The following UNC79 variants were observed in gnomAD, a reference collection of about 807,000 sequenced individuals.
UNC79 encodes protein unc-79 homolog.
UNC79 carries 37 observed loss-of-function variants against 283.1 expected under a neutral mutation model. The observed-to-expected ratio is 0.13, with a 90% CI of 0.10 to 0.17. The LOEUF (loss-of-function observed/expected upper bound fraction) is 0.17. Ranked by LOEUF, UNC79 falls within the 10% of genes least tolerant of loss-of-function variation. The pLI, the probability that UNC79 is intolerant of heterozygous loss-of-function variation, is 1.00. For synonymous variants in UNC79, 1,107 were observed against 1,200.2 expected, an observed-to-expected ratio of 0.92 and a Z score of 1.61; for missense variants, 2,272 against 3,211.1, an observed-to-expected ratio of 0.71 and a Z score of 7.07.
chr14:93,702,349 C>A (rs2075595001), intron 47 of UNC79, among the ~76,000 whole-genome samples: 1 of 152,140 alleles, frequency 6.6e-6, no homozygotes. Context: ...TGATACACAC[C>A]ATACTCCATT....
At chr14:93,487,579 C>G in intron 4 of UNC79, 84 bp from the exon 5 acceptor site, 1 of 1,059,144 alleles carries the variant, frequency 9.4e-7, no homozygotes, top group South Asian at 2.1e-5. Flanking sequence ...TTTTAAAGTT[C>G]CTTCTTATCT....
At chr14:93,514,199 G>C (rs1400991160) in intron 7 of UNC79, among the ~76,000 whole-genome samples, 2 of 151,854 alleles carry the variant, frequency 1.3e-5, no homozygotes, top group East Asian at 3.9e-4. Context: ...GTCTAACCAG[G>C]GAAAAAGGAA....
chr14:93,382,665 A>G (rs1457881066), intron 1 of UNC79, among the ~76,000 whole-genome samples: 2 of 152,308 alleles, frequency 1.3e-5, no homozygotes, highest in South Asian at 2.1e-4. Context: ...GCAGATGCAG[A>G]TGAAGAAATT....
intron 14 of UNC79, among the ~76,000 whole-genome samples, chr14:93,562,024 T>A (rs911976586): frequency 3.9e-5 from 6 of 152,182 alleles, no homozygotes; most frequent in African/African-American, 1.4e-4. Flanking sequence ...ATTAGGCTCA[T>A]AAGGGTTATT....
At chr14:93,608,857 C>T (rs956770403) in intron 26 of UNC79, among the ~76,000 whole-genome samples, 19 of 152,240 alleles carry the variant, frequency 1.2e-4, no homozygotes, top group African/African-American at 4.1e-4. Context: ...CTTTGACAGA[C>T]ATTTATGTAT....
intron 12 of UNC79, among the ~76,000 whole-genome samples, chr14:93,539,452 C>T (rs1251822209): frequency 2.0e-5 from 3 of 151,326 alleles, no homozygotes; most frequent in East Asian, 4.0e-4. Context: ...ACCTGGGAGG[C>T]GGAGGTTGCA....
Position 93,616,366 on chromosome 14 carries a change from C to CT in UNC79, c.4042-737dup, listed in dbSNP as rs71463917. 2.8e-3 allele frequency among the ~76,000 whole-genome samples: 271 copies of CT among 96,196 alleles called. 1 individual carries two copies. The highest frequency in any genetic ancestry group is 5.8e-3 in the East Asian group (24 of 4,112). The allele number at this position is 96,196 out of a possible 152,430, so 63.1% of individuals were successfully genotyped here. A position where few individuals can be genotyped will look rare whatever the true frequency, so the allele number is the denominator to read the frequency against. On this transcript the variant is annotated intron_variant, in intron 27 of 48. Coordinates refer to ENST00000555664, the Ensembl canonical transcript of UNC79. ...ATGCTTTTTCTTTCTTTCTTTTTTCCTTTTTTTTTTTTTTTTTTTGAGACA... is the reference window on the plus strand; with the variant it reads ...ATGCTTTTTCTTTCTTTCTTTTTTCCTTTTTTTTTTTTTTTTTTTTGAGACA...
chr14:93,655,533 A>G (rs2070823594), intron 38 of UNC79, 126 bp downstream of exon 41: 9 of 1,137,858 alleles, frequency 7.9e-6, no homozygotes, highest in African/African-American at 1.6e-5. Flanking sequence ...TCCGTCAGCC[A>G]TGGAGTGAGG....
chr14:93,585,685 A>G (rs2064170437), intron 20 of UNC79, among the ~76,000 whole-genome samples: 1 of 152,142 alleles, frequency 6.6e-6, no homozygotes. Context: ...TCTTTTCTCT[A>G]GCATGCCTCA....
rs181240985 is a variant in UNC79, at chr14:93,462,136, G to A, written c.23-5535G>A. On this transcript the variant is annotated intron_variant, in intron 1 of 48. Transcript: ENST00000555664. ...AGCCTGGCCAACATGGTGAAACCCC[G>A]GCTCTACTAAAAATACAAAATTAGC... Among the ~76,000 whole-genome samples, 14 of 152,076 alleles carry A rather than the reference G, an allele frequency of 9.2e-5. No individual in the cohort carries two copies. In the East Asian group the frequency reaches 1.2e-3, roughly 13 times the overall value.
At chr14:93,447,681 A>C (rs1309527114) in intron 1 of UNC79, among the ~76,000 whole-genome samples, 3 of 151,980 alleles carry the variant, frequency 2.0e-5, no homozygotes, top group East Asian at 3.9e-4. Context: ...ACTTGTGACC[A>C]AATGTTTTAG....
intron 30 of UNC79, among the ~76,000 whole-genome samples, chr14:93,624,378 A>G (rs1285996074): frequency 6.6e-6 from 1 of 152,180 alleles, no homozygotes; most frequent in Non-Finnish European, 1.5e-5. Flanking sequence ...GGAAACTGGG[A>G]CACCTTTTTA....
intron 1 of UNC79, among the ~76,000 whole-genome samples, chr14:93,389,653 C>CTTT (rs149054590): frequency 7.4e-6 from 1 of 135,934 alleles, no homozygotes; most frequent in Non-Finnish European, 1.6e-5. Flanking sequence ...AAAGTGGGAG[C>CTTT]TTTTTTTTTT....
chr14:93,375,035 T>C (rs189359055), intron 1 of UNC79, among the ~76,000 whole-genome samples: 1 of 152,280 alleles, frequency 6.6e-6, no homozygotes, highest in East Asian at 1.9e-4. Flanking sequence ...GACTTAGATA[T>C]TTTTTCCCTC....
intron 38 of UNC79, among the ~76,000 whole-genome samples, chr14:93,656,022 T>C (rs1452191794): frequency 6.6e-6 from 1 of 152,226 alleles, no homozygotes; most frequent in Non-Finnish European, 1.5e-5. Flanking sequence ...ATGCCTCTGT[T>C]TTCTAAATGA....
At chr14:93,404,511 T>TATATATATATAA (rs1342806157) in intron 1 of UNC79, among the ~76,000 whole-genome samples, 5 of 117,194 alleles carry the variant, frequency 4.3e-5, no homozygotes, top group Non-Finnish European at 7.2e-5. Flanking sequence ...TATATATATA[T>TATATATATATAA]ATAAATATAT....
intron 14 of UNC79, among the ~76,000 whole-genome samples, chr14:93,554,409 C>A (rs1014896584): frequency 6.6e-6 from 1 of 151,306 alleles, no homozygotes; most frequent in Non-Finnish European, 1.5e-5. Flanking sequence ...GAATGAAAAT[C>A]TTGCTCAAAA....
In UNC79 at chr14:93,690,046, T is replaced by A; in HGVS notation, c.7086-71T>A. The stretch of plus-strand genomic sequence containing the variant: ...CCACACTTTCAATCCCTTCCTTCAA[T>A]AAGCATTTGTTATGCACCCAATGAA... On this transcript the variant is annotated intron_variant, in intron 44 of 48. Coordinates refer to ENST00000555664, the Ensembl canonical transcript of UNC79. This position sits in a 1 kb window ranked among gnomAD's most constrained non-coding sequence, Gnocchi z 4.3. 6.6e-7 allele frequency: 1 copy of A among 1,514,726 alleles called. No individual in the cohort carries two copies. The allele number at this position is 1,514,726 out of a possible 1,614,324, so 93.8% of individuals were successfully genotyped here. A position where few individuals can be genotyped will look rare whatever the true frequency, so the allele number is the denominator to read the frequency against.
At chr14:93,516,374 A>G in intron 7 of UNC79, among the ~76,000 whole-genome samples, 1 of 144,310 alleles carries the variant, frequency 6.9e-6, no homozygotes, top group Non-Finnish European at 1.5e-5. Context: ...GGGCTATTTT[A>G]GTACCTTTGC....
Sources: gnomAD v4.1 joint callset for allele counts (sites outside exome capture counted in the v4.1 genomes callset) on GRCh38, gnomAD v4.1.1 for gene constraint, Gnocchi (gnomAD v3.1) non-coding constraint, MANE v1.5 for transcripts, NCBI Gene and HGNC (gene_info 2026-07-23, HGNC 2026-07-21) for gene names.